Variants in CMSS1 observed in about 807,000 individuals in gnomAD.
CMSS1 encodes protein CMSS1.
Under a neutral mutation model 43.5 loss-of-function variants are expected in CMSS1, and 33 were observed. The observed-to-expected ratio is 0.76, with a 90% CI of 0.57 to 1.01. The LOEUF (loss-of-function observed/expected upper bound fraction) is 1.01. Among genes scored for constraint, CMSS1 ranks in the 50% least tolerant of loss-of-function variants. The pLI is 0.00. For missense variants in CMSS1, 313 were observed against 326.4 expected, an observed-to-expected ratio of 0.96 and a Z score of 0.32; for synonymous variants, 115 against 117.2, an observed-to-expected ratio of 0.98 and a Z score of 0.12.
intron 1 of CMSS1, among the ~76,000 whole-genome samples, chr3:99,864,105 C>A (rs754903536): frequency 2.6e-5 from 4 of 152,102 alleles, no homozygotes; most frequent in Non-Finnish European, 4.4e-5. Context: ...TATACTTTTG[C>A]TGTTTTGAAA....
chr3:99,887,850 T>C (rs1705958924), intron 1 of CMSS1, among the ~76,000 whole-genome samples: 1 of 151,964 alleles, frequency 6.6e-6, no homozygotes, highest in Non-Finnish European at 1.5e-5. Context: ...TACTCCCTAC[T>C]CCCACCTCAG....
At chr3:100,110,305 G>A (rs147976390) in intron 1 of CMSS1, among the ~76,000 whole-genome samples, 48 of 152,164 alleles carry the variant, frequency 3.2e-4, no homozygotes, top group Non-Finnish European at 6.0e-4. Flanking sequence ...GTCACAACCT[G>A]TCAGTTTAAT....
chr3:99,850,780 G>T (rs1438233004), intron 1 of CMSS1: 2 of 1,614,192 alleles, frequency 1.2e-6, no homozygotes, highest in Admixed American at 1.7e-5. Flanking sequence ...AAACTTTGTG[G>T]TCTGCGTTTG....
Position 100,136,137 on chromosome 3 carries a change from A to G in CMSS1, c.65-10836A>G, listed in dbSNP as rs1039044646. 1.3e-5 allele frequency among the ~76,000 whole-genome samples: 2 copies of G among 152,220 alleles called. 1 individual carries two copies. Among genetic ancestry groups the G allele is most frequent in the Admixed American group, 1.3e-4 (2 of 15,288 alleles). ...TGATAGAGAGAATCAAATCACAAGGACTTATATCCAGAAGCATTTGTTTTG... is the reference window on the plus strand; with the variant it reads ...TGATAGAGAGAATCAAATCACAAGGGCTTATATCCAGAAGCATTTGTTTTG... On this transcript the variant is annotated intron_variant, in intron 1 of 9. Coordinates refer to ENST00000421999, the MANE Select transcript of CMSS1 (RefSeq NM_032359.4).
intron 6 of CMSS1, 58 bp from the exon 7 acceptor site, chr3:100,171,781 T>A: frequency 7.4e-7 from 1 of 1,342,372 alleles, no homozygotes; most frequent in South Asian, 1.2e-5. Context: ...ACTTAAGTAG[T>A]CATCGTGGCC....
intron 1 of CMSS1, chr3:99,876,278 G>A (rs1027766217): frequency 5.4e-6 from 5 of 927,530 alleles, no homozygotes; most frequent in Non-Finnish European, 6.4e-6. Context: ...CGGTGACCGC[G>A]GGACCCTCGG....
chr3:100,061,139 T>TA (rs879451507), intron 1 of CMSS1, among the ~76,000 whole-genome samples: 32 of 148,096 alleles, frequency 2.2e-4, no homozygotes, highest in South Asian at 6.4e-4. Flanking sequence ...TGTTAAAATT[T>TA]AAAAAAAAAA....
At chr3:99,822,404 G>C (rs1942455101) in intron 1 of CMSS1, among the ~76,000 whole-genome samples, 1 of 152,224 alleles carries the variant, frequency 6.6e-6, no homozygotes, top group Non-Finnish European at 1.5e-5. Flanking sequence ...TTAAGACACT[G>C]CTATGTACAG....
chr3:99,975,534 GTGAGCCGAGGTCACACCATTGCAC>G (rs1345853438), intron 1 of CMSS1, among the ~76,000 whole-genome samples: 1 of 151,812 alleles, frequency 6.6e-6, no homozygotes, highest in Middle Eastern at 3.2e-3. Context: ...AGACGTTGCA[GTGAGCCGAGGTCACACCATTGCAC>G]TCCAGCCTGC....
chr3:100,115,073 G>C, intron 1 of CMSS1: 3 of 1,033,516 alleles, frequency 2.9e-6, no homozygotes, highest in Non-Finnish European at 4.3e-6. Flanking sequence ...ACTTAGGATT[G>C]CTAAAATTTG....
intron 1 of CMSS1, among the ~76,000 whole-genome samples, chr3:100,014,474 T>A (rs1190465928): frequency 2.0e-5 from 3 of 152,044 alleles, no homozygotes; most frequent in African/African-American, 4.8e-5. Context: ...TGTATAAGAG[T>A]TCCCTTTCTC....
chr3:100,137,695 T>G (rs1197705651), intron 1 of CMSS1, among the ~76,000 whole-genome samples: 1 of 151,980 alleles, frequency 6.6e-6, no homozygotes, highest in Non-Finnish European at 1.5e-5. Context: ...CCCAAGTAGC[T>G]GGGACTATAG....
At chr3:100,148,293 G>A (rs750631310) in intron 2 of CMSS1, among the ~76,000 whole-genome samples, 3 of 152,038 alleles carry the variant, frequency 2.0e-5, no homozygotes, top group Non-Finnish European at 4.4e-5. Flanking sequence ...TAGCCAGGCT[G>A]GTCTCGAACT....
intron 1 of CMSS1, among the ~76,000 whole-genome samples, chr3:99,841,772 A>T (rs1312158846): frequency 6.6e-6 from 1 of 152,178 alleles, no homozygotes; most frequent in African/African-American, 2.4e-5. Context: ...GCAAATCAAA[A>T]CCACAGTGCA....
chr3:99,876,559 C>T (rs1240332099), intron 1 of CMSS1, among the ~76,000 whole-genome samples: 3 of 152,142 alleles, frequency 2.0e-5, no homozygotes, highest in Non-Finnish European at 4.4e-5. Context: ...ATTCATTATA[C>T]TTTTTATTTT....
chr3:99,858,774 C>T (rs1015224914), intron 1 of CMSS1, among the ~76,000 whole-genome samples: 5 of 152,314 alleles, frequency 3.3e-5, no homozygotes, highest in African/African-American at 1.2e-4. Flanking sequence ...ATATCTTCTT[C>T]ACTCTCAAAG....
intron 6 of CMSS1, among the ~76,000 whole-genome samples, chr3:100,171,504 A>G (rs1263783793): frequency 6.6e-6 from 1 of 152,158 alleles, no homozygotes; most frequent in Non-Finnish European, 1.5e-5. Context: ...GCATAGTTGG[A>G]AGATGAATTT....
At position 99,890,058 on chromosome 3, in the gene CMSS1, C is replaced by T. The variant is rs149874638; in HGVS notation, c.64+72015C>T. ...AATCTAAATGCATCCTTTTGAAGTT[C>T]CTTTAGTGGAAGTCTGCTCTTTGCA... On this transcript the variant is annotated intron_variant, in intron 1 of 9. Coordinates refer to ENST00000421999, the MANE Select transcript of CMSS1 (RefSeq NM_032359.4). Among the ~76,000 whole-genome samples the T allele has an allele frequency of 7.1e-3, 1,083 of 152,140 alleles. 18 individuals carry two copies. Among genetic ancestry groups the T allele is most frequent in the African/African-American group, 0.025 (1,048 of 41,530 alleles).
chr3:99,860,339 T>C (rs1483371139), intron 1 of CMSS1, among the ~76,000 whole-genome samples: 1 of 152,120 alleles, frequency 6.6e-6, no homozygotes, highest in Non-Finnish European at 1.5e-5. Flanking sequence ...TGAAATAAGA[T>C]GGAAATAGTC....
Sources: allele counts gnomAD v4.1 joint callset (sites outside exome capture counted in the v4.1 genomes callset), GRCh38; gene constraint gnomAD v4.1.1; transcripts MANE v1.5; gene names NCBI Gene and HGNC (gene_info 2026-07-23, HGNC 2026-07-21).